ROBO1: variants seen among roughly 807,000 people sequenced by gnomAD.
ROBO1 encodes the protein roundabout homolog 1.
ROBO1 carries 149 observed loss-of-function variants against 195.9 expected under a neutral mutation model. That is an observed-to-expected ratio of 0.76 (90% CI 0.67 to 0.87). The LOEUF (loss-of-function observed/expected upper bound fraction) is 0.87. Among genes scored for constraint, ROBO1 ranks in the 40% least tolerant of loss-of-function variants. ROBO1 has a pLI of 0.00. For missense variants in ROBO1, 1,933 were observed against 2,068.3 expected, an observed-to-expected ratio of 0.93 and a Z score of 1.27; for synonymous variants, 816 against 733.2, an observed-to-expected ratio of 1.11 and a Z score of -1.82.
intron 3 of ROBO1, among the ~76,000 whole-genome samples, chr3:79,067,785 T>C (rs1263021279): frequency 6.6e-6 from 1 of 151,914 alleles, no homozygotes; most frequent in Non-Finnish European, 1.5e-5. Flanking sequence ...TTTCTGAGGG[T>C]TGGGAACCTG....
intron 1 of ROBO1, among the ~76,000 whole-genome samples, chr3:79,610,657 C>A (rs1320834449): frequency 6.6e-6 from 1 of 151,912 alleles, no homozygotes; most frequent in African/African-American, 2.4e-5. Context: ...GTGAGCAAGC[C>A]TTCAGATTCT....
chr3:79,083,209 A>C (rs1450016141), intron 3 of ROBO1, among the ~76,000 whole-genome samples: 4 of 152,124 alleles, frequency 2.6e-5, no homozygotes, highest in African/African-American at 9.7e-5. Context: ...CAAACAAACA[A>C]AAGTATATTT....
chr3:79,380,105 A>G (rs1383814564), intron 2 of ROBO1, among the ~76,000 whole-genome samples: 4 of 151,998 alleles, frequency 2.6e-5, no homozygotes, highest in Admixed American at 1.3e-4. Flanking sequence ...TCTCAATCTC[A>G]TTCTATTACT....
At chr3:79,059,128 C>T (rs1264274276) in intron 3 of ROBO1, among the ~76,000 whole-genome samples, 2 of 152,072 alleles carry the variant, frequency 1.3e-5, no homozygotes, top group Non-Finnish European at 2.9e-5. Flanking sequence ...TGGAATACTT[C>T]AGATTTCTTC....
At chr3:78,643,648 A>G (rs1706103635) in intron 21 of ROBO1, among the ~76,000 whole-genome samples, 1 of 152,138 alleles carries the variant, frequency 6.6e-6, no homozygotes, top group Non-Finnish European at 1.5e-5. Flanking sequence ...TTTGCATATT[A>G]TGCCGAGTTT....
intron 8 of ROBO1, among the ~76,000 whole-genome samples, chr3:78,700,109 G>A (rs1182600317): frequency 1.3e-5 from 2 of 152,058 alleles, no homozygotes; most frequent in Non-Finnish European, 2.9e-5. Flanking sequence ...AACTTCTCAA[G>A]GTGAGGCTGC....
chr3:79,012,383 A>T (rs542628954), intron 3 of ROBO1, among the ~76,000 whole-genome samples: 2 of 152,342 alleles, frequency 1.3e-5, no homozygotes, highest in South Asian at 4.1e-4. Flanking sequence ...AAACTAGGTG[A>T]CAAGCATTAA....
chr3:79,285,414 A>T (rs1453304111), intron 2 of ROBO1, among the ~76,000 whole-genome samples: 1 of 152,220 alleles, frequency 6.6e-6, no homozygotes, highest in Non-Finnish European at 1.5e-5. Flanking sequence ...TAAACATAGA[A>T]TAGCCCTTGA....
At chr3:79,581,712 A>G (rs1048897574) in intron 2 of ROBO1, among the ~76,000 whole-genome samples, 18 of 152,148 alleles carry the variant, frequency 1.2e-4, no homozygotes, top group African/African-American at 4.3e-4. Context: ...TTGTAATACC[A>G]CACACAAATT....
intron 2 of ROBO1, among the ~76,000 whole-genome samples, chr3:79,173,587 CGCCAT>C (rs2081207008): frequency 6.6e-6 from 1 of 152,080 alleles, no homozygotes; most frequent in South Asian, 2.1e-4. Flanking sequence ...ACCTGCAGCC[CGCCAT>C]GCCTGAGCCT....
intron 3 of ROBO1, among the ~76,000 whole-genome samples, chr3:78,966,009 G>A (rs1461176880): frequency 6.6e-6 from 1 of 152,176 alleles, no homozygotes; most frequent in Admixed American, 6.5e-5. Flanking sequence ...CCAATCCCCA[G>A]CTGCAGCAGC....
rs368179561 is a variant in ROBO1 at position 79,304,395 on chromosome 3, C to T, written c.89-178856G>A. Among the ~76,000 whole-genome samples the T allele has an allele frequency of 6.6e-5, 10 of 152,178 alleles. No individual in the cohort carries two copies. The South Asian group carries it at 1.0e-3, about 16-fold the overall frequency. ...GGTATAATTGACCTGCAATAGACTGCGGCTATTTAAAGTGTGTAATTTGAT... is the reference window on the plus strand; with the variant it reads ...GGTATAATTGACCTGCAATAGACTGTGGCTATTTAAAGTGTGTAATTTGAT... On this transcript the variant is annotated intron_variant, in intron 2 of 30. Transcript: ENST00000464233.
At chr3:79,433,371 T>C (rs1165726850) in intron 2 of ROBO1, among the ~76,000 whole-genome samples, 1 of 152,164 alleles carries the variant, frequency 6.6e-6, no homozygotes, top group Admixed American at 6.6e-5. Context: ...GCAAATGACA[T>C]GATCTTGTAA....
rs573356007 is a variant in ROBO1, at chr3:78,833,126, T to C, written c.500-86226A>G. On this transcript the variant is annotated intron_variant, in intron 4 of 30. Coordinates refer to ENST00000464233, the MANE Select transcript of ROBO1 (RefSeq NM_002941.4). Reference sequence around the variant, plus strand: ...ATCACGGTGGCCACTCTCTGCAGGATTGATTTCAAAGGGATATCAGTGAAG... The same window carrying C: ...ATCACGGTGGCCACTCTCTGCAGGACTGATTTCAAAGGGATATCAGTGAAG... 8.2e-4 allele frequency among the ~76,000 whole-genome samples: 125 copies of C among 151,940 alleles called. 1 individual carries two copies. The highest frequency in any genetic ancestry group is 1.6e-3 in the Non-Finnish European group (109 of 67,976).
At chr3:79,208,779 G>C (rs1033024377) in intron 2 of ROBO1, among the ~76,000 whole-genome samples, 2 of 151,282 alleles carry the variant, frequency 1.3e-5, no homozygotes, top group Non-Finnish European at 2.9e-5. Flanking sequence ...TGTGGGTTAG[G>C]GAGGAGGTGA....
intron 2 of ROBO1, among the ~76,000 whole-genome samples, chr3:79,510,116 A>G (rs6764225): frequency 1 from 151,885 of 152,288 alleles, 75,742 homozygotes; most frequent in Middle Eastern, 1. Flanking sequence ...CATTAAGATG[A>G]TATGACATGG....
At chr3:78,902,885 T>C (rs2037671361) in intron 4 of ROBO1, among the ~76,000 whole-genome samples, 2 of 152,164 alleles carry the variant, frequency 1.3e-5, no homozygotes, top group African/African-American at 4.8e-5. Context: ...TCATTGGCAC[T>C]GAAACATTTA....
At chr3:78,884,631 AAG>A (rs767831954) in intron 4 of ROBO1, among the ~76,000 whole-genome samples, 35 of 103,652 alleles carry the variant, frequency 3.4e-4, no homozygotes, top group African/African-American at 1.1e-3. Context: ...GAGAGAAAGA[AAG>A]AGAAAGAAAG....
chr3:79,487,559 C>T (rs1939228531), intron 2 of ROBO1, among the ~76,000 whole-genome samples: 1 of 152,128 alleles, frequency 6.6e-6, no homozygotes, highest in Non-Finnish European at 1.5e-5. Flanking sequence ...TTATCTTACC[C>T]TTAAAGAGTA....
Sources: gnomAD v4.1 joint callset for allele counts (sites outside exome capture counted in the v4.1 genomes callset) on GRCh38, gnomAD v4.1.1 for gene constraint, MANE v1.5 for transcripts, NCBI Gene and HGNC (gene_info 2026-07-23, HGNC 2026-07-21) for gene names.